PLEKHJ1: variants seen among roughly 807,000 people sequenced by gnomAD.
PLEKHJ1 encodes the protein pleckstrin homology domain containing J1.
A neutral mutation model predicts 21.7 loss-of-function variants in PLEKHJ1; 20 were observed. That is an observed-to-expected ratio of 0.92 (90% CI 0.65 to 1.34). The LOEUF (loss-of-function observed/expected upper bound fraction) is 1.34. Ranked by LOEUF, PLEKHJ1 falls within the 40% of genes most tolerant of loss-of-function variation. The probability of loss-of-function intolerance (pLI) is 0.00; values close to 1 mark genes in which losing one functional copy is unlikely to be tolerated. For missense variants in PLEKHJ1, 241 were observed against 202.0 expected (o/e 1.19, Z -1.17); for synonymous variants, 113 against 80.6 (o/e 1.40, Z -2.15).
At chr19:2,231,419 G>A (rs1271077729), downstream of PLEKHJ1, 1 of 204,704 alleles carries the variant, frequency 4.9e-6, no homozygotes, top group East Asian at 7.4e-5. Flanking sequence ...TTCTGTGGTT[G>A]CTAGGTGGGG....
chr19:2,230,779 A>G (rs777573434), downstream of PLEKHJ1: 3 of 392,082 alleles, frequency 7.7e-6, no homozygotes, highest in Non-Finnish European at 1.3e-5. Context: ...ACAGTGCACA[A>G]AATGGCCCCA....
downstream of PLEKHJ1, chr19:2,231,178 G>A (rs192196470): frequency 7.9e-3 from 1,792 of 227,856 alleles, 20 homozygotes; most frequent in Non-Finnish European, 0.011. Flanking sequence ...TGGAGGATGG[G>A]ATCTGGGAGT....
chr19:2,234,025 C>T lies in PLEKHJ1; in HGVS notation c.357G>A (p.Arg119=), dbSNP rs1239965386. 11 of 1,613,504 alleles carry T rather than the reference C, an allele frequency of 6.8e-6. No individual in the cohort carries two copies. Among genetic ancestry groups the T allele is most frequent in the Non-Finnish European group, 9.3e-6 (11 of 1,180,018 alleles). The change falls in exon 5 of 6, where the codon AGG becomes AGA. Residue 119 remains arginine (R), a synonymous_variant. Transcript: ENST00000326631. ...EFMRRSLIFY[R]NEIRKVTGKD... ...TGCCCGTCACCTTCCGGATTTCGTT[C>T]CTGTAGAAGATGAGGCTTCTCCGCA...
Position 2,235,919 on chromosome 19 carries a change from C to G in PLEKHJ1, c.162+4G>C, listed in dbSNP as rs1394430143. On this transcript the variant is annotated splice_donor_region_variant and intron_variant, in intron 2 of 5. Coordinates refer to ENST00000326631, the MANE Select transcript of PLEKHJ1 (RefSeq NM_018049.3). ...ACCCGCCCGCGCGCCCGGGACGCCC[C>G]TACCTCGGCCTCGTCTGTCCGAAAG... 1 of 1,609,170 alleles carries G rather than the reference C, an allele frequency of 6.2e-7. No individual in the cohort carries two copies. The highest frequency in any genetic ancestry group is 8.5e-7 in the Non-Finnish European group (1 of 1,178,454).
intron 3 of PLEKHJ1, 41 bp downstream of exon 3, chr19:2,235,721 G>A (rs1260387100): frequency 6.5e-6 from 10 of 1,529,058 alleles, no homozygotes; most frequent in Non-Finnish European, 8.8e-6. Context: ...CGGGTGCCCC[G>A]GGCTGCGGGA....
downstream of PLEKHJ1, chr19:2,230,247 G>A (rs1295306400): frequency 3.4e-5 from 14 of 416,744 alleles, no homozygotes; most frequent in South Asian, 1.8e-4. Flanking sequence ...TCTCGGAAAC[G>A]CCGCCCGGCC....
chr19:2,230,779 A>C (rs777573434), downstream of PLEKHJ1: 1 of 392,198 alleles, frequency 2.5e-6, no homozygotes, highest in Non-Finnish European at 4.5e-6. Context: ...ACAGTGCACA[A>C]AATGGCCCCA....
At chr19:2,234,411 T>C (rs1171852829) in intron 3 of PLEKHJ1, 171 bp from the exon 4 acceptor site, 1 of 584,910 alleles carries the variant, frequency 1.7e-6, no homozygotes, top group Non-Finnish European at 3.0e-6. Flanking sequence ...GCATATAAAC[T>C]AGTCAAAATG....
chr19:2,236,212 G>C lies in PLEKHJ1; in HGVS notation c.37C>G (p.Arg13Gly), dbSNP rs770387922. The change falls in exon 1 of 6, where the codon CGG (arginine) becomes GGG (glycine). Residue 13 changes from arginine to glycine, a missense_variant. By Grantham distance (125) the Arg-to-Gly change is moderately radical. Transcript: ENST00000326631. ...TCGGCCGCCATCTCGGCCGGCTGCC[G>C]GGACAGAGCCTGCAGCTCCTTCTCG... ...YNEKELQALS[R>G]QPAEMAAELG... 1 of 1,474,630 alleles carries C rather than the reference G, an allele frequency of 6.8e-7. No individual in the cohort carries two copies. The highest frequency in any genetic ancestry group is 1.3e-5 in the South Asian group (1 of 75,324). 91.3% of individuals were successfully genotyped at this position (1,474,630 alleles called of 1,614,324 possible). A position where few individuals can be genotyped will look rare whatever the true frequency, so the allele number is the denominator to read the frequency against.
At chr19:2,234,498 C>T (rs1024099479) in intron 3 of PLEKHJ1, 20 of 442,554 alleles carry the variant, frequency 4.5e-5, no homozygotes, top group Admixed American at 1.6e-4. Context: ...ATTGCTTGAG[C>T]TCAGGAGTTC....
downstream of PLEKHJ1, chr19:2,230,050 T>A: frequency 1.6e-6 from 1 of 617,256 alleles, no homozygotes; most frequent in African/African-American, 1.8e-5. Flanking sequence ...TCCATCTAAG[T>A]GGTAAAAGGC....
chr19:2,233,854 C>T lies in PLEKHJ1; in HGVS notation c.436G>A (p.Gly146Ser), dbSNP rs756791136. Residue 146 changes from glycine to serine, a missense_variant, in exon 6 of 6, where the codon GGC becomes AGC. Transcript: ENST00000326631. The part of the protein sequence containing the change: ...ISEEARFQLS[G>S]LQA ...GTGCCCTGCGCTCACGCCTGCAAGC[C>T]ACTCAGCTGGAACCTGGCCTCCTCG... 6.2e-7 allele frequency: 1 copy of T among 1,610,794 alleles called. No individual in the cohort carries two copies. Among genetic ancestry groups the T allele is most frequent in the East Asian group, 2.2e-5 (1 of 44,824 alleles).
In PLEKHJ1 at chr19:2,234,001, G is replaced by A. The variant is rs2024701580; in HGVS notation, c.381C>T (p.Gly127=). ...FYRNEIRKVT[G]KDPLEQFGIS... ...CCCTCTGCAGCCCTGCACACACCTT[G>A]CCCGTCACCTTCCGGATTTCGTTCC... Residue 127 remains glycine (G), a synonymous_variant, in exon 5 of 6, where the codon GGC becomes GGT. Transcript: ENST00000326631. The A allele has an allele frequency of 1.2e-6, 2 of 1,613,066 alleles. No homozygotes were observed. Among genetic ancestry groups the A allele is most frequent in the African/African-American group, 1.3e-5 (1 of 74,932 alleles).
rs1465029931 is a variant in PLEKHJ1, at chr19:2,236,186, C to T, written c.63G>A (p.Glu21=). Residue 21 remains glutamate, a synonymous_variant, in exon 1 of 6, where the codon GAG becomes GAA. Coordinates refer to ENST00000326631, the MANE Select transcript of PLEKHJ1 (RefSeq NM_018049.3). ...LSRQPAEMAA[E]LGMRGPKKGS... is the part of the protein sequence containing the mutation. ...CCTTCTTGGGGCCCCTCATGCCCAG[C>T]TCGGCCGCCATCTCGGCCGGCTGCC... The T allele has an allele frequency of 6.1e-6, 9 of 1,481,418 alleles. No homozygotes were observed. Among genetic ancestry groups the T allele is most frequent in the Non-Finnish European group, 8.0e-6 (9 of 1,118,602 alleles). 91.8% of individuals were successfully genotyped at this position (1,481,418 alleles called of 1,614,324 possible). A position where few individuals can be genotyped will look rare whatever the true frequency, so the allele number is the denominator to read the frequency against.
downstream of PLEKHJ1, chr19:2,230,626 A>G (rs2024560176): frequency 5.0e-6 from 2 of 398,602 alleles, no homozygotes; most frequent in Non-Finnish European, 8.8e-6. Flanking sequence ...TACAGGAGAG[A>G]GTCACACTAA....
downstream of PLEKHJ1, chr19:2,230,503 C>T (rs1004937882): frequency 2.0e-5 from 8 of 398,844 alleles, no homozygotes; most frequent in South Asian, 1.3e-4. Flanking sequence ...GCTGTGAGGA[C>T]GGCGCGGGCA....
chr19:2,234,234 A>C lies in PLEKHJ1; in HGVS notation c.236T>G (p.Ile79Ser). The C allele has an allele frequency of 6.2e-7, 1 of 1,612,010 alleles. No individual in the cohort carries two copies. The highest frequency in any genetic ancestry group is 8.5e-7 in the Non-Finnish European group (1 of 1,179,134). The change falls in exon 4 of 6, where the codon ATT becomes AGT. Residue 79 changes from isoleucine to serine, a missense_variant. Coordinates refer to ENST00000326631, the MANE Select transcript of PLEKHJ1 (RefSeq NM_018049.3). Reference protein sequence around the residue: ...EEPGTFSISFIEDPERKYHFE... With the variant: ...EEPGTFSISFSEDPERKYHFE... ...GTGATACTTCCTCTCAGGGTCCTCAATGAAGCCTGGGGATGGAACACCTGT... is the reference window on the plus strand; with the variant it reads ...GTGATACTTCCTCTCAGGGTCCTCACTGAAGCCTGGGGATGGAACACCTGT...
At position 2,235,981 on chromosome 19, in the gene PLEKHJ1, C is replaced by A. The variant is rs752207759; in HGVS notation, c.104G>T (p.Arg35Leu). Residue 35 changes from arginine (R) to leucine (L), a missense_variant, in exon 2 of 6, where the codon CGG becomes CTG. Coordinates refer to ENST00000326631, the MANE Select transcript of PLEKHJ1 (RefSeq NM_018049.3). ...RGPKKGSVLK[R>L]RLVKLVVNFL... is the part of the protein sequence containing the mutation. Reference sequence around the variant, plus strand: ...ATTCACCACCAGCTTCACCAGCCGCCGCTTCAGCACTGCGGGCACAGCGCG... The same window carrying A: ...ATTCACCACCAGCTTCACCAGCCGCAGCTTCAGCACTGCGGGCACAGCGCG... 6.2e-7 allele frequency: 1 copy of A among 1,610,018 alleles called. No individual in the cohort carries two copies. The highest frequency in any genetic ancestry group is 1.7e-5 in the Admixed American group (1 of 59,888).
downstream of PLEKHJ1, chr19:2,231,256 C>G (rs1283253106): frequency 4.4e-6 from 1 of 226,926 alleles, no homozygotes; most frequent in African/African-American, 2.2e-5. Flanking sequence ...AGTGCTTGCT[C>G]CTGTGAGATG....
Sources: allele counts gnomAD v4.1 joint callset, GRCh38; gene constraint gnomAD v4.1.1; transcripts MANE v1.5; gene names NCBI Gene and HGNC (gene_info 2026-07-23, HGNC 2026-07-21).